SFMBT2: variants seen among roughly 807,000 people sequenced by gnomAD.
SFMBT2 encodes Scm like with four mbt domains 2.
A neutral mutation model predicts 110.1 loss-of-function variants in SFMBT2; 38 were observed. That is an observed-to-expected ratio of 0.35 (90% CI 0.27 to 0.45). The LOEUF (loss-of-function observed/expected upper bound fraction) is 0.45. SFMBT2 is among the 20% of genes least tolerant of loss of function. SFMBT2 has a pLI of 1.00. For missense variants in SFMBT2, 1,011 were observed against 1,094.9 expected (o/e 0.92, Z 1.08); for synonymous variants, 425 against 425.4 (o/e 1.00, Z 0.01).
At chr10:7,181,796 C>T (rs1838252503) in intron 16 of SFMBT2, among the ~76,000 whole-genome samples, 1 of 152,052 alleles carries the variant, frequency 6.6e-6, no homozygotes, top group Non-Finnish European at 1.5e-5. Flanking sequence ...CTTTCAAAGG[C>T]ATGCTGAACA....
At chr10:7,384,072 A>T (rs578086162) in intron 1 of SFMBT2, among the ~76,000 whole-genome samples, 114 of 152,028 alleles carry the variant, frequency 7.5e-4, no homozygotes, top group Non-Finnish European at 9.7e-4. Context: ...TTAGCCAGGC[A>T]TGGTGGCACA....
intron 2 of SFMBT2, among the ~76,000 whole-genome samples, chr10:7,376,385 C>T (rs1321329612): frequency 3.3e-5 from 5 of 151,896 alleles, no homozygotes; most frequent in South Asian, 2.1e-4. Flanking sequence ...ACTTGGGTGT[C>T]GGTTATTGAT....
chr10:7,359,476 G>A (rs1026070915), intron 4 of SFMBT2, among the ~76,000 whole-genome samples: 13 of 152,168 alleles, frequency 8.5e-5, no homozygotes, highest in East Asian at 1.9e-4. Context: ...CTCCCCCCTC[G>A]AATTCCACTC....
intron 4 of SFMBT2, among the ~76,000 whole-genome samples, chr10:7,346,968 C>G (rs1192607804): frequency 6.6e-6 from 1 of 151,702 alleles, no homozygotes; most frequent in Non-Finnish European, 1.5e-5. Flanking sequence ...CCAGCCTGGG[C>G]GACAAAACCA....
chr10:7,393,482 C>A (rs1202617725), intron 1 of SFMBT2, among the ~76,000 whole-genome samples: 2 of 152,014 alleles, frequency 1.3e-5, no homozygotes, highest in Non-Finnish European at 2.9e-5. Flanking sequence ...GGTAGGTTTG[C>A]AAAGGGACAG....
intron 2 of SFMBT2, among the ~76,000 whole-genome samples, chr10:7,371,371 C>T (rs1845061739): frequency 6.6e-6 from 1 of 152,178 alleles, no homozygotes; most frequent in Admixed American, 6.5e-5. Context: ...AGGTGATCCA[C>T]CTGCCTCAGC....
chr10:7,360,634 G>A (rs1844686401), intron 4 of SFMBT2, among the ~76,000 whole-genome samples: 1 of 152,222 alleles, frequency 6.6e-6, no homozygotes, highest in South Asian at 2.1e-4. Flanking sequence ...TTCACAGCAG[G>A]ACTCTTTTAT....
intron 4 of SFMBT2, among the ~76,000 whole-genome samples, chr10:7,308,079 G>T (rs1842745607): frequency 6.6e-6 from 1 of 152,180 alleles, no homozygotes; most frequent in Non-Finnish European, 1.5e-5. Context: ...TGTAAGCCAG[G>T]TGCAGCAGCT....
intron 1 of SFMBT2, among the ~76,000 whole-genome samples, chr10:7,406,378 T>C (rs1348441804): frequency 2.0e-5 from 3 of 151,862 alleles, no homozygotes; most frequent in East Asian, 1.9e-4. Context: ...ATCAATTACA[T>C]AGAACCTCAT....
intron 2 of SFMBT2, among the ~76,000 whole-genome samples, chr10:7,371,690 G>A (rs1415633971): frequency 6.6e-6 from 1 of 152,144 alleles, no homozygotes; most frequent in African/African-American, 2.4e-5. Context: ...GCACACGAGA[G>A]TTCCAAAAGT....
At chr10:7,354,617 G>A (rs1413068197) in intron 4 of SFMBT2, among the ~76,000 whole-genome samples, 1 of 152,162 alleles carries the variant, frequency 6.6e-6, no homozygotes, top group African/African-American at 2.4e-5. Flanking sequence ...ATCATCCTTA[G>A]AAAGACTTCT....
At chr10:7,373,060 C>T (rs907171479) in intron 2 of SFMBT2, among the ~76,000 whole-genome samples, 1 of 152,204 alleles carries the variant, frequency 6.6e-6, no homozygotes, top group African/African-American at 2.4e-5. Flanking sequence ...AATCTGATTC[C>T]CAATGTGGCA....
chr10:7,294,003 T>C (rs1842332495), intron 4 of SFMBT2, among the ~76,000 whole-genome samples: 1 of 152,132 alleles, frequency 6.6e-6, no homozygotes, highest in African/African-American at 2.4e-5. Context: ...CATAGTACAA[T>C]AGGAGGTACG....
At chr10:7,345,337 A>G (rs1222292871) in intron 4 of SFMBT2, among the ~76,000 whole-genome samples, 2 of 152,174 alleles carry the variant, frequency 1.3e-5, no homozygotes, top group East Asian at 3.8e-4. Context: ...AGTTTAATAA[A>G]CTAATAACTA....
chr10:7,184,101 C>A (rs532186382), intron 16 of SFMBT2, among the ~76,000 whole-genome samples: 1 of 152,176 alleles, frequency 6.6e-6, no homozygotes, highest in Non-Finnish European at 1.5e-5. Context: ...TTTCTTTCCA[C>A]GTCCAAGTGC....
At chr10:7,269,533 T>C (rs1841504296) in intron 7 of SFMBT2, among the ~76,000 whole-genome samples, 1 of 152,254 alleles carries the variant, frequency 6.6e-6, no homozygotes, top group Non-Finnish European at 1.5e-5. Flanking sequence ...CTTTGACTTC[T>C]GTCTCGTAAC....
At chr10:7,332,950 T>C (rs897967993) in intron 4 of SFMBT2, among the ~76,000 whole-genome samples, 7 of 152,184 alleles carry the variant, frequency 4.6e-5, no homozygotes, top group African/African-American at 1.7e-4. Context: ...CACTGCAACC[T>C]CCGCCTCCTG....
chr10:7,318,423 G>T (rs751977310), intron 4 of SFMBT2, among the ~76,000 whole-genome samples: 1 of 152,180 alleles, frequency 6.6e-6, no homozygotes, highest in Non-Finnish European at 1.5e-5. Flanking sequence ...CTCTTTGGAG[G>T]TGATATTGTC....
intron 16 of SFMBT2, among the ~76,000 whole-genome samples, chr10:7,180,119 T>C (rs190063577): frequency 1.2e-4 from 14 of 112,114 alleles, no homozygotes; most frequent in Admixed American, 7.3e-4. Flanking sequence ...TTTATTTAGG[T>C]TTGCTTTTTT....
Sources: allele counts gnomAD v4.1 joint callset (sites outside exome capture counted in the v4.1 genomes callset), GRCh38; gene constraint gnomAD v4.1.1; transcripts MANE v1.5; gene names NCBI Gene and HGNC (gene_info 2026-07-23, HGNC 2026-07-21).